The following TEKT1 variants were observed in gnomAD, a reference collection of about 807,000 sequenced individuals.
The protein encoded by TEKT1 is tektin-1.
A neutral mutation model predicts 34.8 loss-of-function variants in TEKT1; 32 were observed. The ratio of observed to expected loss-of-function variants is 0.92; its 90% CI spans 0.69 to 1.23. The LOEUF is 1.23. TEKT1 is among the 50% of genes most tolerant of loss of function. The pLI is 0.00. For missense variants in TEKT1, 492 were observed against 518.5 expected (o/e 0.95, Z 0.50); for synonymous variants, 207 against 199.8 (o/e 1.04, Z -0.30).
chr17:6,813,860 A>T (rs1976962202), intron 5 of TEKT1, among the ~76,000 whole-genome samples: 1 of 151,856 alleles, frequency 6.6e-6, no homozygotes, highest in Admixed American at 6.6e-5. Flanking sequence ...TGAGTATGGG[A>T]TGAATTTATT....
At chr17:6,813,531 A>T (rs1336803808) in intron 5 of TEKT1, among the ~76,000 whole-genome samples, 1 of 148,894 alleles carries the variant, frequency 6.7e-6, no homozygotes, top group Non-Finnish European at 1.5e-5. Flanking sequence ...CTTCAAAATA[A>T]TGTTAATTGG....
intron 2 of TEKT1, among the ~76,000 whole-genome samples, chr17:6,826,444 C>T (rs1469827228): frequency 2.0e-5 from 3 of 152,082 alleles, no homozygotes; most frequent in Admixed American, 6.6e-5. Flanking sequence ...AAAAGTTCTT[C>T]ATTTTAATAT....
At chr17:6,825,896 T>C (rs988998635) in intron 2 of TEKT1, among the ~76,000 whole-genome samples, 3 of 152,242 alleles carry the variant, frequency 2.0e-5, no homozygotes, top group African/African-American at 7.2e-5. Context: ...CCATTACAAA[T>C]GGCCCTCCTT....
At chr17:6,823,151 G>T (rs1037869413) in intron 2 of TEKT1, among the ~76,000 whole-genome samples, 3 of 152,184 alleles carry the variant, frequency 2.0e-5, no homozygotes, top group Non-Finnish European at 2.9e-5. Context: ...TTAACCTTCT[G>T]CTGGGGTGAG....
Position 6,830,206 on chromosome 17 carries a change from G to T in TEKT1, c.171C>A (p.Ser57Arg). The T allele has an allele frequency of 6.2e-7, 1 of 1,609,662 alleles. No homozygotes were observed. Among genetic ancestry groups the T allele is most frequent in the Non-Finnish European group, 8.5e-7 (1 of 1,179,152 alleles). Residue 57 changes from serine to arginine, a missense_variant, in exon 2 of 8, where the codon AGC (serine) becomes AGA (arginine). Transcript: ENST00000338694. ...EIEKTTRKSQSDVNKKLEQRL... is the reference protein window; with the variant it reads ...EIEKTTRKSQRDVNKKLEQRL... ...TCTTACCTAGTTTCTTGTTCACATC[G>T]CTTTGAGATTTTCTTGTGGTCTTTT...
intron 1 of TEKT1, 111 bp downstream of exon 1, chr17:6,831,538 C>A (rs1341793290): frequency 1.3e-5 from 2 of 152,200 alleles, no homozygotes; most frequent in Admixed American, 1.3e-4. Context: ...TCTGAATAGC[C>A]CCCAGAGAGG....
At chr17:6,809,834 G>A (rs1015330817) in intron 6 of TEKT1, among the ~76,000 whole-genome samples, 3 of 152,084 alleles carry the variant, frequency 2.0e-5, no homozygotes, top group Admixed American at 1.3e-4. Flanking sequence ...GATAGCTCAC[G>A]CCTTTTTAGT....
At chr17:6,817,926 G>C (rs1977028251) in intron 3 of TEKT1, among the ~76,000 whole-genome samples, 1 of 152,162 alleles carries the variant, frequency 6.6e-6, no homozygotes, top group South Asian at 2.1e-4. Flanking sequence ...ACTGGGTGTT[G>C]AGCTCTTTGA....
At position 6,800,843 on chromosome 17, in the gene TEKT1, T is replaced by A; in HGVS notation, c.953A>T (p.Glu318Val). Residue 318 changes from glutamate to valine, a missense_variant, in exon 7 of 8, where the codon GAG becomes GTG. Glu to Val is a moderately radical substitution (Grantham distance 121, BLOSUM62 -2). Transcript: ENST00000338694. ...GPAKVAHTRL[E>V]TRTHRPNVEL... ...CACGTTCGGCCGGTGTGTCCTGGTC[T>A]CCAAGCGCGTATGAGCCACCTTGGC... 1 of 1,614,190 alleles carries A rather than the reference T, an allele frequency of 6.2e-7. No homozygotes were observed. The highest frequency in any genetic ancestry group is 8.5e-7 in the Non-Finnish European group (1 of 1,180,020).
chr17:6,828,451 T>C (rs535166067), intron 2 of TEKT1, among the ~76,000 whole-genome samples: 2 of 152,296 alleles, frequency 1.3e-5, no homozygotes, highest in African/African-American at 4.8e-5. Flanking sequence ...GCTGGCCCAG[T>C]GTTATAAATA....
rs939404002 is a variant in TEKT1, at chr17:6,800,215, G to A, written c.1069C>T (p.Gln357Ter). 1.2e-6 allele frequency: 2 copies of A among 1,613,638 alleles called. No individual in the cohort carries two copies. The highest frequency in any genetic ancestry group is 2.7e-5 in the African/African-American group (2 of 74,890). Residue 357 changes from glutamine to a stop codon, truncating the protein, a stop_gained, in exon 8 of 8, where the codon CAA becomes TAA. Coordinates refer to ENST00000338694, the MANE Select transcript of TEKT1 (RefSeq NM_053285.2). LOFTEE classifies it high-confidence loss of function. Reference protein sequence around the residue: ...NVARLKETLAQAQAELKGLHR... With the variant: ...NVARLKETLA The stretch of plus-strand genomic sequence containing the variant: ...AGCCCTTTCAGCTCTGCCTGAGCTT[G>A]GGCTAAAGTTTCCTTCAATCTAGGA...
Position 6,805,849 on chromosome 17 carries a change from CT to C in TEKT1, c.853-4907del, listed in dbSNP as rs1422433258. On this transcript the variant is annotated intron_variant, in intron 6 of 7. Transcript: ENST00000338694. ...CTGAGAGACAGTTTGTTATGATGTC[CT>C]TTCTTTTACATTTGCTGAGGAGTGC... 1.3e-5 allele frequency among the ~76,000 whole-genome samples: 2 copies of C among 152,022 alleles called. 1 individual carries two copies. The highest frequency in any genetic ancestry group is 2.9e-5 in the Non-Finnish European group (2 of 67,996).
At position 6,811,503 on chromosome 17, in the gene TEKT1, A is replaced by G. The variant is rs916573414; in HGVS notation, c.852+1328T>C. Among the ~76,000 whole-genome samples the G allele has an allele frequency of 1.3e-5, 2 of 152,140 alleles. No homozygotes were observed. The highest frequency in any genetic ancestry group is 4.2e-4 in the South Asian group (2 of 4,816). On this transcript the variant is annotated intron_variant, in intron 6 of 7. Transcript: ENST00000338694. The surrounding 1 kb of genome is among the most constrained non-coding windows in gnomAD (Gnocchi z 4.4). Reference sequence around the variant, plus strand: ...ACAGCAAGTGTTGAAGCCACAGTTCAAACCCAAGATGTCTGGCTCTGACGT... The same window carrying G: ...ACAGCAAGTGTTGAAGCCACAGTTCGAACCCAAGATGTCTGGCTCTGACGT...
intron 6 of TEKT1, 70 bp downstream of exon 6, chr17:6,812,761 G>A: frequency 6.8e-7 from 1 of 1,474,730 alleles, no homozygotes; most frequent in Non-Finnish European, 9.3e-7. Context: ...TGGCCCAGGG[G>A]GCATTCTTGT....
intron 2 of TEKT1, among the ~76,000 whole-genome samples, chr17:6,820,776 G>A (rs9903096): frequency 0.062 from 9,369 of 152,060 alleles, 822 homozygotes; most frequent in African/African-American, 0.19. Flanking sequence ...TTGCTGTCCC[G>A]TTTCCTGGAT....
At position 6,811,590 on chromosome 17, in the gene TEKT1, G is replaced by A. The variant is rs1321239060; in HGVS notation, c.852+1241C>T. 1.3e-5 allele frequency among the ~76,000 whole-genome samples: 2 copies of A among 151,982 alleles called. No individual in the cohort carries two copies. Among genetic ancestry groups the A allele is most frequent in the South Asian group, 2.1e-4 (1 of 4,806 alleles). The stretch of plus-strand genomic sequence containing the variant: ...TGCTGAATATTGCAGTTTCACCCTC[G>A]ATGATACTCTGGTTTCTCCAGCACA... On this transcript the variant is annotated intron_variant, in intron 6 of 7. Coordinates refer to ENST00000338694, the MANE Select transcript of TEKT1 (RefSeq NM_053285.2). The surrounding 1 kb of genome is among the most constrained non-coding windows in gnomAD (Gnocchi z 4.4).
At chr17:6,814,938 C>CTTTAAAGG in intron 5 of TEKT1, 2 of 487,656 alleles carry the variant, frequency 4.1e-6, no homozygotes, top group Admixed American at 3.7e-5. Context: ...ATGTTTTATT[C>CTTTAAAGG]TTTAAAGGTT....
intron 2 of TEKT1, among the ~76,000 whole-genome samples, chr17:6,825,472 T>C (rs968656835): frequency 8.5e-5 from 13 of 152,310 alleles, no homozygotes; most frequent in South Asian, 4.1e-4. Context: ...GCACAGGTAC[T>C]TGCAAGTTAT....
intron 6 of TEKT1, among the ~76,000 whole-genome samples, chr17:6,804,115 T>G (rs1351116487): frequency 1.3e-5 from 2 of 152,182 alleles, no homozygotes; most frequent in African/African-American, 4.8e-5. Flanking sequence ...TTCCATTTGT[T>G]TGTATCCTCT....
Sources: allele counts gnomAD v4.1 joint callset (sites outside exome capture counted in the v4.1 genomes callset), GRCh38; gene constraint gnomAD v4.1.1; non-coding constraint Gnocchi (gnomAD v3.1); transcripts MANE v1.5; gene names NCBI Gene and HGNC (gene_info 2026-07-23, HGNC 2026-07-21).